The following C8orf34 variants were observed in gnomAD, a reference collection of about 807,000 sequenced individuals.
The protein encoded by C8orf34 is uncharacterized protein C8orf34.
Under a neutral mutation model 68.3 loss-of-function variants are expected in C8orf34, and 65 were observed. The observed-to-expected ratio is 0.95, with a 90% CI of 0.78 to 1.17. The LOEUF (loss-of-function observed/expected upper bound fraction) is 1.17. Ranked by LOEUF, C8orf34 falls within the 50% of genes most tolerant of loss-of-function variation. C8orf34 has a pLI of 0.00. For synonymous variants in C8orf34, 244 were observed against 241.2 expected (o/e 1.01, Z -0.11); for missense variants, 664 against 655.4 (o/e 1.01, Z -0.14).
intron 5 of C8orf34, among the ~76,000 whole-genome samples, chr8:68,512,568 T>A (rs1463036806): frequency 6.6e-6 from 1 of 152,158 alleles, no homozygotes; most frequent in African/African-American, 2.4e-5. Flanking sequence ...AAATGATGAA[T>A]CAGAAATTTT....
chr8:68,613,587 A>G (rs552305599), intron 7 of C8orf34, among the ~76,000 whole-genome samples: 3 of 151,710 alleles, frequency 2.0e-5, no homozygotes, highest in South Asian at 4.2e-4. Context: ...ATGATTTCCA[A>G]TTTCATCCGT....
At chr8:68,790,313 A>G (rs940498619) in intron 12 of C8orf34, among the ~76,000 whole-genome samples, 2 of 152,244 alleles carry the variant, frequency 1.3e-5, no homozygotes, top group Non-Finnish European at 2.9e-5. Flanking sequence ...TTACAGGCTC[A>G]TATCCTAGAA....
At chr8:68,681,853 A>G (rs1179045093) in intron 8 of C8orf34, among the ~76,000 whole-genome samples, 2 of 152,204 alleles carry the variant, frequency 1.3e-5, no homozygotes, top group Non-Finnish European at 2.9e-5. Flanking sequence ...ATGAGAGCCA[A>G]TCATCTGCAA....
At chr8:68,338,785 T>C (rs1337333562) in intron 1 of C8orf34, among the ~76,000 whole-genome samples, 1 of 152,164 alleles carries the variant, frequency 6.6e-6, no homozygotes, top group Non-Finnish European at 1.5e-5. Context: ...TTAAATAAAC[T>C]AGTTATTAAA....
chr8:68,403,489 C>G (rs2129621311), intron 1 of C8orf34, among the ~76,000 whole-genome samples: 1 of 152,216 alleles, frequency 6.6e-6, no homozygotes, highest in South Asian at 2.1e-4. Context: ...CACCCATCAA[C>G]CCATCACCTA....
intron 8 of C8orf34, among the ~76,000 whole-genome samples, chr8:68,676,987 G>T (rs117065057): frequency 0.034 from 5,142 of 152,210 alleles, 109 homozygotes; most frequent in Non-Finnish European, 0.046. Flanking sequence ...CCACCCCCAT[G>T]ATTCAGTCAT....
At chr8:68,384,496 T>A (rs1808173911) in intron 1 of C8orf34, among the ~76,000 whole-genome samples, 1 of 152,182 alleles carries the variant, frequency 6.6e-6, no homozygotes, top group Non-Finnish European at 1.5e-5. Flanking sequence ...AAGACAAGAT[T>A]AATTGGTTAA....
Position 68,331,104 on chromosome 8 carries a change from G to T in C8orf34, c.92G>T (p.Arg31Leu), listed in dbSNP as rs1196342218. 2.0e-6 allele frequency: 3 copies of T among 1,496,538 alleles called. No individual in the cohort carries two copies. Among genetic ancestry groups the T allele is most frequent in the Non-Finnish European group, 8.8e-7 (1 of 1,132,044 alleles). The allele number at this position is 1,496,538 out of a possible 1,614,324, so 92.7% of individuals were successfully genotyped here. A position where few individuals can be genotyped will look rare whatever the true frequency, so the allele number is the denominator to read the frequency against. The change falls in exon 1 of 14, where the codon CGG becomes CTG. Residue 31 changes from arginine (R) to leucine (L), a missense_variant. Transcript: ENST00000518698. ...GCGCCCCACGCGCGCGTGGCTCCCCGGGCTGCCACCCACGCCCGCGGCCGG... is the reference window on the plus strand; with the variant it reads ...GCGCCCCACGCGCGCGTGGCTCCCCTGGCTGCCACCCACGCCCGCGGCCGG... ...LSAPHARVAP[R>L]AATHARGRGR...
intron 1 of C8orf34, among the ~76,000 whole-genome samples, chr8:68,375,411 G>T (rs915200218): frequency 3.3e-5 from 5 of 152,164 alleles, no homozygotes; most frequent in African/African-American, 4.8e-5. Context: ...CTAAGTAAAA[G>T]TTCTGATAAT....
At chr8:68,665,081 A>C (rs1202663069) in intron 8 of C8orf34, among the ~76,000 whole-genome samples, 1 of 152,182 alleles carries the variant, frequency 6.6e-6, no homozygotes, top group Non-Finnish European at 1.5e-5. Context: ...AGCTAGAAAA[A>C]TCTGGGTTCA....
chr8:68,776,921 C>A (rs959779787), intron 11 of C8orf34, among the ~76,000 whole-genome samples: 6 of 152,178 alleles, frequency 3.9e-5, no homozygotes, highest in Non-Finnish European at 7.3e-5. Context: ...TAGTAGATTT[C>A]ACTTGGAAAC....
Position 68,799,555 on chromosome 8 carries a change from C to T in C8orf34, c.1549+12019C>T, listed in dbSNP as rs536681800. On this transcript the variant is annotated intron_variant, in intron 12 of 13. Transcript: ENST00000518698. ...ATTAAACAGATCTGAGATTTTTATCCCAAACCAGGAATTTAGTTAAGATTT... is the reference window on the plus strand; with the variant it reads ...ATTAAACAGATCTGAGATTTTTATCTCAAACCAGGAATTTAGTTAAGATTT... Among the ~76,000 whole-genome samples, 5 of 152,186 alleles carry T rather than the reference C, an allele frequency of 3.3e-5. No individual in the cohort carries two copies. The South Asian group carries it at 1.0e-3, about 32-fold the overall frequency.
At chr8:68,637,201 G>A (rs1818872378) in intron 7 of C8orf34, among the ~76,000 whole-genome samples, 1 of 152,112 alleles carries the variant, frequency 6.6e-6, no homozygotes, top group Non-Finnish European at 1.5e-5. Context: ...TCTATCTAGG[G>A]TAGAAGTAGT....
intron 1 of C8orf34, among the ~76,000 whole-genome samples, chr8:68,420,121 G>A (rs1411443206): frequency 2.6e-5 from 4 of 151,476 alleles, no homozygotes; most frequent in Non-Finnish European, 5.9e-5. Flanking sequence ...TTGCATTTGG[G>A]GCTACTTTTT....
chr8:68,621,181 C>T (rs544236020), intron 7 of C8orf34, among the ~76,000 whole-genome samples: 44 of 152,264 alleles, frequency 2.9e-4, no homozygotes, highest in Admixed American at 5.9e-4. Context: ...GGAGTCCATC[C>T]AGAAATGTTG....
At chr8:68,394,152 T>A (rs1426687195) in intron 1 of C8orf34, among the ~76,000 whole-genome samples, 3 of 141,656 alleles carry the variant, frequency 2.1e-5, no homozygotes, top group Middle Eastern at 7.1e-3. Flanking sequence ...GTTAGTTACA[T>A]ATGTATACAT....
At chr8:68,367,931 A>AAAAAAAAAAAAAAAAAG (rs1807377491) in intron 1 of C8orf34, among the ~76,000 whole-genome samples, 3 of 145,620 alleles carry the variant, frequency 2.1e-5, no homozygotes, top group Non-Finnish European at 3.0e-5. Context: ...AAAAAAAAAA[A>AAAAAAAAAAAAAAAAAG]AAAAAAGAAA....
chr8:68,777,924 C>T (rs1473956369), intron 11 of C8orf34, among the ~76,000 whole-genome samples: 2 of 152,152 alleles, frequency 1.3e-5, no homozygotes, highest in African/African-American at 2.4e-5. Context: ...CTGAATTTTG[C>T]AAAACATGTG....
chr8:68,379,247 G>A (rs1230619414), intron 1 of C8orf34, among the ~76,000 whole-genome samples: 2 of 152,190 alleles, frequency 1.3e-5, no homozygotes, highest in South Asian at 2.1e-4. Context: ...GTAGATATTT[G>A]AGAGTCGAAG....
Sources: gnomAD v4.1 joint callset for allele counts (sites outside exome capture counted in the v4.1 genomes callset) on GRCh38, gnomAD v4.1.1 for gene constraint, MANE v1.5 for transcripts, NCBI Gene and HGNC (gene_info 2026-07-23, HGNC 2026-07-21) for gene names.